The following BBS9 variants were observed in gnomAD, a reference collection of about 807,000 sequenced individuals.
BBS9 encodes the protein protein PTHB1.
BBS9 carries 89 observed loss-of-function variants against 117.7 expected under a neutral mutation model. The ratio of observed to expected loss-of-function variants is 0.76; its 90% CI spans 0.64 to 0.90. The LOEUF is 0.90. BBS9 is among the 40% of genes least tolerant of loss of function. BBS9 has a pLI of 0.00. For missense variants in BBS9, 982 were observed against 1,042.2 expected (o/e 0.94, Z 0.80); for synonymous variants, 379 against 370.9 (o/e 1.02, Z -0.25).
intron 19 of BBS9, among the ~76,000 whole-genome samples, chr7:33,476,408 G>A (rs1841811730): frequency 6.6e-6 from 1 of 152,188 alleles, no homozygotes; most frequent in East Asian, 1.9e-4. Flanking sequence ...CGTCAGCTGG[G>A]AGGCACTGGG....
chr7:33,169,843 T>C (rs1796267871), intron 4 of BBS9, among the ~76,000 whole-genome samples: 1 of 151,330 alleles, frequency 6.6e-6, no homozygotes, highest in African/African-American at 2.4e-5. Flanking sequence ...ATTTTGTCTT[T>C]TGTTGCCATT....
At chr7:33,530,438 A>G (rs1403412842) in intron 20 of BBS9, among the ~76,000 whole-genome samples, 1 of 152,240 alleles carries the variant, frequency 6.6e-6, no homozygotes, top group Non-Finnish European at 1.5e-5. Flanking sequence ...GTTTGCTTAA[A>G]TGAATGACAG....
At position 33,262,213 on chromosome 7, in the gene BBS9, T is replaced by A. The variant is rs537604635; in HGVS notation, c.618-2077T>A. 5.3e-5 allele frequency among the ~76,000 whole-genome samples: 8 copies of A among 152,304 alleles called. No individual in the cohort carries two copies. The East Asian group carries it at 1.5e-3, about 29-fold the overall frequency. On this transcript the variant is annotated intron_variant, in intron 6 of 22. Coordinates refer to ENST00000242067, the MANE Select transcript of BBS9 (RefSeq NM_198428.3). ...ATCAGTAGTCAATTTTGGCTGTGCC[T>A]CTGCCTGCTGTTTTAATGTTAATAA... is the stretch of plus-strand genomic sequence containing the variant.
chr7:33,136,280 A>G lies in BBS9; in HGVS notation c.-12+6239A>G, dbSNP rs371950503. Among the ~76,000 whole-genome samples, 14 of 152,294 alleles carry G rather than the reference A, an allele frequency of 9.2e-5. No individual in the cohort carries two copies. The East Asian group carries it at 1.2e-3, about 13-fold the overall frequency. Reference sequence around the variant, plus strand: ...CCAAATTCCTTAGGATTTTCTATATACAAGATTATGTCATCTGTGAGTAAA... The same window carrying G: ...CCAAATTCCTTAGGATTTTCTATATGCAAGATTATGTCATCTGTGAGTAAA... On this transcript the variant is annotated intron_variant, in intron 1 of 22. Coordinates refer to ENST00000242067, the MANE Select transcript of BBS9 (RefSeq NM_198428.3).
At chr7:33,610,491 G>T (rs901133696), downstream of BBS9, among the ~76,000 whole-genome samples, 1 of 152,084 alleles carries the variant, frequency 6.6e-6, no homozygotes, top group Non-Finnish European at 1.5e-5. Flanking sequence ...TTCTTTGCGT[G>T]GCAGAAGAGC....
intron 9 of BBS9, among the ~76,000 whole-genome samples, chr7:33,332,724 A>G (rs926196094): frequency 6.6e-6 from 1 of 152,048 alleles, no homozygotes; most frequent in Admixed American, 6.6e-5. Context: ...CAAAAAAGAA[A>G]AACAAGATTG....
chr7:33,358,665 T>C (rs1224718715), intron 16 of BBS9, among the ~76,000 whole-genome samples: 1 of 151,896 alleles, frequency 6.6e-6, no homozygotes, highest in Non-Finnish European at 1.5e-5. Context: ...AACCAAGGTT[T>C]TTAGTGTGTC....
At chr7:33,586,159 G>A (rs1860849851) in intron 21 of BBS9, among the ~76,000 whole-genome samples, 1 of 152,028 alleles carries the variant, frequency 6.6e-6, no homozygotes, top group Non-Finnish European at 1.5e-5. Context: ...ACATAAAGGT[G>A]CAGATTTTCT....
intron 21 of BBS9, among the ~76,000 whole-genome samples, chr7:33,601,746 T>G (rs898469225): frequency 6.6e-6 from 1 of 152,138 alleles, no homozygotes; most frequent in Non-Finnish European, 1.5e-5. Flanking sequence ...ATTTTCTTTT[T>G]GCAAGATACG....
chr7:33,599,194 TAGC>T (rs564671888), intron 21 of BBS9, among the ~76,000 whole-genome samples: 40 of 152,272 alleles, frequency 2.6e-4, no homozygotes, highest in African/African-American at 9.1e-4. Context: ...GCAGATCAAG[TAGC>T]AGGAGAGATA....
intron 9 of BBS9, 59 bp downstream of exon 9, chr7:33,274,015 A>G: frequency 6.4e-7 from 1 of 1,562,710 alleles, no homozygotes. Context: ...AATTTTCTAG[A>G]AGTTCTATGA....
chr7:33,379,644 A>G (rs1235187623), intron 17 of BBS9, among the ~76,000 whole-genome samples: 1 of 152,226 alleles, frequency 6.6e-6, no homozygotes, highest in African/African-American at 2.4e-5. Flanking sequence ...TGTATCTGCT[A>G]TGTGAAAGTT....
At chr7:33,367,278 G>A (rs958323487) in intron 16 of BBS9, among the ~76,000 whole-genome samples, 9 of 152,028 alleles carry the variant, frequency 5.9e-5, no homozygotes, top group Middle Eastern at 6.3e-3. Flanking sequence ...ATCCAATAGT[G>A]ACCATTTGTT....
chr7:33,141,254 C>G (rs1042535670), intron 1 of BBS9, among the ~76,000 whole-genome samples: 5 of 152,136 alleles, frequency 3.3e-5, no homozygotes, highest in African/African-American at 1.2e-4. Context: ...GAAACTCCAT[C>G]TCTACTAAAA....
chr7:33,143,877 T>G (rs981137270), intron 1 of BBS9, among the ~76,000 whole-genome samples: 2 of 151,534 alleles, frequency 1.3e-5, no homozygotes, highest in Non-Finnish European at 2.9e-5. Flanking sequence ...TTTGTGTATC[T>G]TCTTTGGAGA....
intron 21 of BBS9, among the ~76,000 whole-genome samples, chr7:33,592,405 T>C (rs113407218): frequency 0.029 from 4,352 of 152,220 alleles, 82 homozygotes; most frequent in South Asian, 0.1. Context: ...CCATGTCATG[T>C]CCCCTTTCAG....
At chr7:33,149,129 C>T (rs142655172) in intron 2 of BBS9, among the ~76,000 whole-genome samples, 2 of 152,066 alleles carry the variant, frequency 1.3e-5, no homozygotes, top group African/African-American at 2.4e-5. Flanking sequence ...CATGGAGGGT[C>T]AAGGGAAGTG....
In BBS9 at chr7:33,134,057, AT is replaced by A. The variant is rs200432726; in HGVS notation, c.-12+4026del. Among the ~76,000 whole-genome samples, 879 of 148,208 alleles carry A rather than the reference AT, an allele frequency of 5.9e-3. 6 individuals are homozygous for A. The highest frequency in any genetic ancestry group is 0.02 in the African/African-American group (812 of 40,458). On this transcript the variant is annotated intron_variant, in intron 1 of 22. Coordinates refer to ENST00000242067, the MANE Select transcript of BBS9 (RefSeq NM_198428.3). ...TCCCTAATGACTAATTATGCTGAGC[AT>A]TTTTTTTTTGAAACGGAGTTTTGCT...
At chr7:33,599,832 T>C (rs1863518717) in intron 21 of BBS9, among the ~76,000 whole-genome samples, 1 of 152,176 alleles carries the variant, frequency 6.6e-6, no homozygotes. Flanking sequence ...CATCTAGAGT[T>C]CTGACTCAAG....
Sources: allele counts gnomAD v4.1 joint callset (sites outside exome capture counted in the v4.1 genomes callset), GRCh38; gene constraint gnomAD v4.1.1; transcripts MANE v1.5; gene names NCBI Gene and HGNC (gene_info 2026-07-23, HGNC 2026-07-21).